NCDN: variants seen among roughly 807,000 people sequenced by gnomAD.
The protein encoded by NCDN is norbin.
In NCDN, 9 loss-of-function variants were observed where a neutral mutation model predicts 60.7. That is an observed-to-expected ratio of 0.15 (90% CI 0.09 to 0.26). The LOEUF (loss-of-function observed/expected upper bound fraction) is 0.26, where lower values mean the gene tolerates loss of function less well. Among genes scored for constraint, NCDN ranks in the 10% least tolerant of loss-of-function variants. NCDN has a pLI of 1.00. For missense variants in NCDN, 578 were observed against 975.2 expected (o/e 0.59, Z 5.42); for synonymous variants, 409 against 442.5 (o/e 0.92, Z 0.95).
At position 35,558,282 on chromosome 1, in the gene NCDN, T is replaced by G; in HGVS notation, c.33+59T>G. 1 of 1,609,350 alleles carries G rather than the reference T, an allele frequency of 6.2e-7. No individual in the cohort carries two copies. Among genetic ancestry groups the G allele is most frequent in the African/African-American group, 1.3e-5 (1 of 74,914 alleles). On this transcript the variant is annotated intron_variant, in intron 1 of 6. Transcript: ENST00000373243. The surrounding 1 kb of genome is among the most constrained non-coding windows in gnomAD (Gnocchi z 6.3). ...ATCTCCCCATCTCAGCAGCCCTGCT[T>G]CGATTATCCGGCTTTTGGATTCTCC...
chr1:35,560,796 G>A lies in NCDN; in HGVS notation c.645G>A (p.Glu215=), dbSNP rs746953868. The change falls in exon 3 of 7, where the codon GAG becomes GAA. Residue 215 remains glutamate, a synonymous_variant. Coordinates refer to ENST00000373243, the MANE Select transcript of NCDN (RefSeq NM_014284.3). This position sits in a 1 kb window ranked among gnomAD's most constrained non-coding sequence, Gnocchi z 7.6. ...AAETQCWKEA[E]PDLLAVLRGL... ...AGACACAGTGCTGGAAGGAGGCGGA[G>A]CCCGACCTGCTGGCCGTGTTGCGGG... is the stretch of plus-strand genomic sequence containing the variant. 12 of 1,613,448 alleles carry A rather than the reference G, an allele frequency of 7.4e-6. No homozygotes were observed. The highest frequency in any genetic ancestry group is 6.8e-6 in the Non-Finnish European group (8 of 1,179,996).
rs1159611484 is a variant in NCDN at position 35,563,800 on chromosome 1, C to T, written c.1644C>T (p.Thr548=). Residue 548 remains threonine, a synonymous_variant, in exon 6 of 7, where the codon ACC becomes ACT. Coordinates refer to ENST00000373243, the MANE Select transcript of NCDN (RefSeq NM_014284.3). The surrounding 1 kb of genome is among the most constrained non-coding windows in gnomAD (Gnocchi z 6.6). The part of the protein sequence containing the change: ...RDACFTSLMN[T]LMTSLPALVQ... ...CCTGCTTCACATCTCTAATGAACAC[C>T]CTCATGACGTCGCTACCAGCACTAG... The T allele has an allele frequency of 1.2e-6, 2 of 1,614,096 alleles. No homozygotes were observed. Among genetic ancestry groups the T allele is most frequent in the African/African-American group, 2.7e-5 (2 of 75,010 alleles).
At chr1:35,559,023 C>A in intron 1 of NCDN, 84 bp from the exon 2 acceptor site, 1 of 1,173,826 alleles carries the variant, frequency 8.5e-7, no homozygotes, top group Non-Finnish European at 1.2e-6. Flanking sequence ...CTAATCCCTC[C>A]CTCCCTCCAT....
In NCDN at chr1:35,560,529, C is replaced by G. The variant is rs745835518; in HGVS notation, c.378C>G (p.Val126=). 6.2e-7 allele frequency: 1 copy of G among 1,613,942 alleles called. No individual in the cohort carries two copies. Among genetic ancestry groups the G allele is most frequent in the Non-Finnish European group, 8.5e-7 (1 of 1,180,046 alleles). ...SDPELAAHPQ[V]LNKIPILSTF... ...CTGAACTGGCCGCCCATCCCCAAGT[C>G]CTGAACAAGATTCCCATTCTTAGCA... Residue 126 remains valine (V), a synonymous_variant, in exon 3 of 7, where the codon GTC becomes GTG. Transcript: ENST00000373243. The surrounding 1 kb of genome is among the most constrained non-coding windows in gnomAD (Gnocchi z 7.6).
rs774014076 is a variant in NCDN at position 35,561,107 on chromosome 1, G to A, written c.956G>A (p.Arg319Gln). Residue 319 changes from arginine to glutamine, a missense_variant, in exon 3 of 7, where the codon CGG becomes CAG. Physicochemically the swap from Arg to Gln is conservative, Grantham distance 43. Coordinates refer to ENST00000373243, the MANE Select transcript of NCDN (RefSeq NM_014284.3). This position sits in a 1 kb window ranked among gnomAD's most constrained non-coding sequence, Gnocchi z 4.9. ...LLVNLACVEV[R>Q]LALEETGTEV... is the part of the protein sequence containing the mutation. ...GTGAATCTGGCGTGCGTGGAAGTGC[G>A]GCTGGCACTGGAGGAGACGGGCACG... 14 of 1,613,610 alleles carry A rather than the reference G, an allele frequency of 8.7e-6. No homozygotes were observed. The highest frequency in any genetic ancestry group is 5.5e-5 in the South Asian group (5 of 91,030).
At position 35,565,863 on chromosome 1, in the gene NCDN, A is replaced by G. The variant is rs1571088702; in HGVS notation, c.*200A>G. ...ACTGCGTTCCGCCCCTCAGGCCCCC[A>G]TGGGGGCAGGGATCGGCTTGGAAAT... On this transcript the variant is annotated 3_prime_UTR_variant, in exon 7 of 7. Transcript: ENST00000373243. The surrounding 1 kb of genome is among the most constrained non-coding windows in gnomAD (Gnocchi z 8.9). The G allele has an allele frequency of 5.0e-6, 3 of 598,012 alleles. No individual in the cohort carries two copies. The highest frequency in any genetic ancestry group is 6.1e-5 in the East Asian group (2 of 32,582). The allele number at this position is 598,012 out of a possible 1,614,324, so 37.0% of individuals were successfully genotyped here.
rs906031392 is a variant in NCDN at position 35,560,019 on chromosome 1, C to T, written c.175-307C>T. On this transcript the variant is annotated intron_variant, in intron 2 of 6. Coordinates refer to ENST00000373243, the MANE Select transcript of NCDN (RefSeq NM_014284.3). The surrounding 1 kb of genome is among the most constrained non-coding windows in gnomAD (Gnocchi z 7.6). The stretch of plus-strand genomic sequence containing the variant: ...TCTTAAAACATTGAGTTCTAAGCCC[C>T]TTCCATCCCAGGTTGTGGGCATTTA... Among the ~76,000 whole-genome samples, 1 of 152,148 alleles carries T rather than the reference C, an allele frequency of 6.6e-6. No homozygotes were observed. The highest frequency in any genetic ancestry group is 2.4e-5 in the African/African-American group (1 of 41,414).
rs954406863 is a variant in NCDN at position 35,558,140 on chromosome 1, C to T, written c.-51C>T. 10 of 1,611,814 alleles carry T rather than the reference C, an allele frequency of 6.2e-6. No individual in the cohort carries two copies. The African/African-American group carries it at 6.7e-5, about 11-fold the overall frequency. On this transcript the variant is annotated 5_prime_UTR_variant, in exon 1 of 7. Transcript: ENST00000373243. The surrounding 1 kb of genome is among the most constrained non-coding windows in gnomAD (Gnocchi z 6.3). ...TTGACGTGATCTCTCCGTGACATCA[C>T]CGCGCCATCGTGAAGTGTGATCTCA...
Position 35,565,819 on chromosome 1 carries a change from C to A in NCDN, c.*156C>A. 1 of 806,786 alleles carries A rather than the reference C, an allele frequency of 1.2e-6. No individual in the cohort carries two copies. The highest frequency in any genetic ancestry group is 1.9e-6 in the Non-Finnish European group (1 of 525,386). 50.0% of individuals were successfully genotyped at this position (806,786 alleles called of 1,614,324 possible). ...TTTCTGAGGGCAAGGGCATGGTGCC[C>A]ACCCCTCAAGTGTAAGGAACTGCGT... On this transcript the variant is annotated 3_prime_UTR_variant, in exon 7 of 7. Coordinates refer to ENST00000373243, the MANE Select transcript of NCDN (RefSeq NM_014284.3). This position sits in a 1 kb window ranked among gnomAD's most constrained non-coding sequence, Gnocchi z 8.9.
Position 35,558,323 on chromosome 1 carries a change from A to C in NCDN, c.33+100A>C. 3.8e-6 allele frequency: 6 copies of C among 1,577,620 alleles called. No homozygotes were observed. Among genetic ancestry groups the C allele is most frequent in the Non-Finnish European group, 4.3e-6 (5 of 1,158,436 alleles). The stretch of plus-strand genomic sequence containing the variant: ...TGGATTCTCCGTTGTCCTGGGAACT[A>C]TCCGGGACCCCCTCTTGCTTCTCCA... On this transcript the variant is annotated intron_variant, in intron 1 of 6. Transcript: ENST00000373243. The surrounding 1 kb of genome is among the most constrained non-coding windows in gnomAD (Gnocchi z 6.3).
chr1:35,563,706 G>A lies in NCDN; in HGVS notation c.1611-61G>A. ...CCCTACTGCCTAATTTCTTGCCAAGGGCTTGATTTGGCTGTACTAGACCCC... is the reference window on the plus strand; with the variant it reads ...CCCTACTGCCTAATTTCTTGCCAAGAGCTTGATTTGGCTGTACTAGACCCC... On this transcript the variant is annotated intron_variant, in intron 5 of 6. Coordinates refer to ENST00000373243, the MANE Select transcript of NCDN (RefSeq NM_014284.3). This position sits in a 1 kb window ranked among gnomAD's most constrained non-coding sequence, Gnocchi z 6.6. The A allele has an allele frequency of 6.3e-7, 1 of 1,584,718 alleles. No individual in the cohort carries two copies. The highest frequency in any genetic ancestry group is 1.4e-5 in the African/African-American group (1 of 74,046).
Position 35,565,752 on chromosome 1 carries a change from C to A in NCDN, c.*89C>A, listed in dbSNP as rs541917030. ...CCTGAAGCCCCCAATCTGGCCCCCC[C>A]CTCCCCAGACTTCCTCCCCAAAACA... is the stretch of plus-strand genomic sequence containing the variant. On this transcript the variant is annotated 3_prime_UTR_variant, in exon 7 of 7. Transcript: ENST00000373243. This position sits in a 1 kb window ranked among gnomAD's most constrained non-coding sequence, Gnocchi z 8.9. 2 of 1,347,890 alleles carry A rather than the reference C, an allele frequency of 1.5e-6. No individual in the cohort carries two copies. The highest frequency in any genetic ancestry group is 1.5e-5 in the South Asian group (1 of 67,400). 83.5% of individuals were successfully genotyped at this position (1,347,890 alleles called of 1,614,324 possible). A position where few individuals can be genotyped will look rare whatever the true frequency, so the allele number is the denominator to read the frequency against.
At position 35,559,244 on chromosome 1, in the gene NCDN, G is replaced by A. The variant is rs1470693735; in HGVS notation, c.171G>A (p.Leu57=). The part of the protein sequence containing the change: ...KNDSEQFAAL[L]LVTKAVKAGD... ...ACAGCGAGCAGTTTGCAGCCCTGCT[G>A]CTAGTAAGGAACTGGCTGAAAATTG... is the stretch of plus-strand genomic sequence containing the variant. The change falls in exon 2 of 7, where the codon CTG becomes CTA. Residue 57 remains leucine, a synonymous_variant. Transcript: ENST00000373243. 6.2e-7 allele frequency: 1 copy of A among 1,614,176 alleles called. No individual in the cohort carries two copies. The highest frequency in any genetic ancestry group is 8.5e-7 in the Non-Finnish European group (1 of 1,180,008).
rs1648553607 is a variant in NCDN at position 35,558,947 on chromosome 1, G to A, written c.34-160G>A. 1 of 370,576 alleles carries A rather than the reference G, an allele frequency of 2.7e-6. No homozygotes were observed. The highest frequency in any genetic ancestry group is 6.4e-5 in the Admixed American group (1 of 15,520). 23.0% of individuals were successfully genotyped at this position (370,576 alleles called of 1,614,324 possible). A position where few individuals can be genotyped will look rare whatever the true frequency, so the allele number is the denominator to read the frequency against. On this transcript the variant is annotated intron_variant, in intron 1 of 6. Transcript: ENST00000373243. The surrounding 1 kb of genome is among the most constrained non-coding windows in gnomAD (Gnocchi z 6.3). The stretch of plus-strand genomic sequence containing the variant: ...TTTGCAGATCCAGCCCCTTAAAGGG[G>A]CTTCTGGGGGGAGGTCAGTCCTGAG...
rs1346156977 is a variant in NCDN at position 35,563,724 on chromosome 1, T to G, written c.1611-43T>G. 1.9e-6 allele frequency: 3 copies of G among 1,607,108 alleles called. No homozygotes were observed. Among genetic ancestry groups the G allele is most frequent in the Non-Finnish European group, 1.7e-6 (2 of 1,176,256 alleles). ...TGCCAAGGGCTTGATTTGGCTGTACTAGACCCCCACCTACCTCCATCCTTC... is the reference window on the plus strand; with the variant it reads ...TGCCAAGGGCTTGATTTGGCTGTACGAGACCCCCACCTACCTCCATCCTTC... On this transcript the variant is annotated intron_variant, in intron 5 of 6. Coordinates refer to ENST00000373243, the MANE Select transcript of NCDN (RefSeq NM_014284.3). The surrounding 1 kb of genome is among the most constrained non-coding windows in gnomAD (Gnocchi z 6.6).
rs1648729115 is a variant in NCDN at position 35,562,234 on chromosome 1, G to A, written c.1144-158G>A. Reference sequence around the variant, plus strand: ...TGTGCGTCCCTACCACATGCTAGGTGCTGGGTTCATGGGACAGAATAAAGG... The same window carrying A: ...TGTGCGTCCCTACCACATGCTAGGTACTGGGTTCATGGGACAGAATAAAGG... On this transcript the variant is annotated intron_variant, in intron 3 of 6. Coordinates refer to ENST00000373243, the MANE Select transcript of NCDN (RefSeq NM_014284.3). The surrounding 1 kb of genome is among the most constrained non-coding windows in gnomAD (Gnocchi z 6.8). 6.6e-6 allele frequency among the ~76,000 whole-genome samples: 1 copy of A among 152,186 alleles called. No homozygotes were observed. The highest frequency in any genetic ancestry group is 2.4e-5 in the African/African-American group (1 of 41,434).
rs771863772 is a variant in NCDN, at chr1:35,563,271, G to T, written c.1455G>T (p.Gly485=). The T allele has an allele frequency of 4.3e-6, 7 of 1,614,076 alleles. No homozygotes were observed. In the African/African-American group the frequency reaches 9.3e-5, roughly 22 times the overall value. ...DGPREILIKE[G]APSLLCKYFL... is the part of the protein sequence containing the mutation. ...CCCGGGAGATCCTGATCAAGGAAGGGGCCCCCTCGCTTCTGTGCAAGTATT... is the reference window on the plus strand; with the variant it reads ...CCCGGGAGATCCTGATCAAGGAAGGTGCCCCCTCGCTTCTGTGCAAGTATT... Residue 485 remains glycine (G), a synonymous_variant, in exon 5 of 7, where the codon GGG becomes GGT. Transcript: ENST00000373243. The surrounding 1 kb of genome is among the most constrained non-coding windows in gnomAD (Gnocchi z 6.6).
chr1:35,563,806 G>A lies in NCDN; in HGVS notation c.1650G>A (p.Met550Ile). 1 of 1,613,714 alleles carries A rather than the reference G, an allele frequency of 6.2e-7. No homozygotes were observed. The highest frequency in any genetic ancestry group is 8.5e-7 in the Non-Finnish European group (1 of 1,179,992). ...ACFTSLMNTL[M>I]TSLPALVQQQ... ...TCACATCTCTAATGAACACCCTCAT[G>A]ACGTCGCTACCAGCACTAGTGCAGC... The change falls in exon 6 of 7, where the codon ATG becomes ATA. Residue 550 changes from methionine (M) to isoleucine (I), a missense_variant. Transcript: ENST00000373243. This position sits in a 1 kb window ranked among gnomAD's most constrained non-coding sequence, Gnocchi z 6.6.
chr1:35,558,183 C>T lies in NCDN; in HGVS notation c.-8C>T, dbSNP rs987575886. Reference sequence around the variant, plus strand: ...TGATCTCATCGCCGCCCTGTCGTGACTTCATCAATGTCGTGTTGTGACCTG... The same window carrying T: ...TGATCTCATCGCCGCCCTGTCGTGATTTCATCAATGTCGTGTTGTGACCTG... On this transcript the variant is annotated 5_prime_UTR_variant, in exon 1 of 7. Coordinates refer to ENST00000373243, the MANE Select transcript of NCDN (RefSeq NM_014284.3). This position sits in a 1 kb window ranked among gnomAD's most constrained non-coding sequence, Gnocchi z 6.3. 3.1e-6 allele frequency: 5 copies of T among 1,614,098 alleles called. No homozygotes were observed. Among genetic ancestry groups the T allele is most frequent in the Admixed American group, 1.7e-5 (1 of 60,020 alleles).
Sources: allele counts gnomAD v4.1 joint callset (sites outside exome capture counted in the v4.1 genomes callset), GRCh38; gene constraint gnomAD v4.1.1; non-coding constraint Gnocchi (gnomAD v3.1); transcripts MANE v1.5; gene names NCBI Gene and HGNC (gene_info 2026-07-23, HGNC 2026-07-21).